HACE1: variants seen among roughly 807,000 people sequenced by gnomAD.
HACE1 encodes the protein E3 ubiquitin-protein ligase HACE1.
HACE1 carries 73 observed loss-of-function variants against 118.4 expected under a neutral mutation model. The observed-to-expected ratio is 0.62, with a 90% confidence interval of 0.51 to 0.75. The LOEUF is 0.75. HACE1 is among the 30% of genes least tolerant of loss of function. HACE1 has a pLI of 0.00. For missense variants in HACE1, 749 were observed against 1,102.2 expected (o/e 0.68, Z 4.54); for synonymous variants, 368 against 374.8 (o/e 0.98, Z 0.21).
At chr6:104,770,068 A>C (rs988836047) in intron 19 of HACE1, among the ~76,000 whole-genome samples, 1 of 152,234 alleles carries the variant, frequency 6.6e-6, no homozygotes, top group African/African-American at 2.4e-5. Context: ...CTGAGTTCGA[A>C]GAATTGTTAA....
chr6:104,823,554 TAAAAG>T (rs1219495716), intron 6 of HACE1, among the ~76,000 whole-genome samples: 2 of 152,044 alleles, frequency 1.3e-5, no homozygotes, highest in Non-Finnish European at 2.9e-5. Context: ...ATGCAACTAT[TAAAAG>T]AAACATATTT....
At chr6:104,786,850 A>C (rs1582467031) in intron 11 of HACE1, 1 of 152,142 alleles carries the variant, frequency 6.6e-6, no homozygotes, top group African/African-American at 2.4e-5. Context: ...TGCTACAGAA[A>C]GACTCACCTT....
intron 22 of HACE1, among the ~76,000 whole-genome samples, chr6:104,739,164 A>C (rs1776315328): frequency 6.6e-6 from 1 of 152,164 alleles, no homozygotes; most frequent in African/African-American, 2.4e-5. Flanking sequence ...AGCCTGAAGG[A>C]AGCGCTAAAC....
At chr6:104,791,182 C>A (rs1010075808) in intron 11 of HACE1, among the ~76,000 whole-genome samples, 2 of 152,086 alleles carry the variant, frequency 1.3e-5, no homozygotes, top group African/African-American at 4.8e-5. Flanking sequence ...AAATACATTT[C>A]TTTCAAAAGC....
At chr6:104,753,650 C>CCTAT (rs1778304364) in intron 19 of HACE1, among the ~76,000 whole-genome samples, 1 of 151,940 alleles carries the variant, frequency 6.6e-6, no homozygotes, top group Non-Finnish European at 1.5e-5. Context: ...CCACAGCAGC[C>CCTAT]CTATATACAG....
chr6:104,835,290 A>G (rs911648980), intron 5 of HACE1, among the ~76,000 whole-genome samples: 1 of 152,228 alleles, frequency 6.6e-6, no homozygotes, highest in Non-Finnish European at 1.5e-5. Flanking sequence ...ATCTAATTTG[A>G]AAGACAAACT....
intron 6 of HACE1, among the ~76,000 whole-genome samples, chr6:104,822,200 T>C (rs1440659586): frequency 4.5e-5 from 3 of 66,546 alleles, no homozygotes; most frequent in Admixed American, 3.5e-4. Context: ...ACCCCGTCTC[T>C]ACTAAAAAAA....
intron 10 of HACE1, 61 bp downstream of exon 10, chr6:104,795,518 C>A: frequency 1.1e-6 from 1 of 947,310 alleles, no homozygotes; most frequent in Non-Finnish European, 1.7e-6. Context: ...ATAAACTACT[C>A]AGGAGGTGAA....
At chr6:104,740,185 T>G (rs1359421065) in intron 22 of HACE1, among the ~76,000 whole-genome samples, 3 of 144,246 alleles carry the variant, frequency 2.1e-5, no homozygotes, top group Non-Finnish European at 4.5e-5. Flanking sequence ...GAGGGAAATT[T>G]ATAGCACTAA....
Sources: gnomAD v4.1 joint callset for allele counts (sites outside exome capture counted in the v4.1 genomes callset) on GRCh38, gnomAD v4.1.1 for gene constraint, MANE v1.5 for transcripts, NCBI Gene and HGNC (gene_info 2026-07-23, HGNC 2026-07-21) for gene names.